SYNPR: variants seen among roughly 807,000 people sequenced by gnomAD.
SYNPR encodes the protein synaptoporin.
A neutral mutation model predicts 32.9 loss-of-function variants in SYNPR; 23 were observed. The observed-to-expected ratio is 0.70, with a 90% CI of 0.50 to 0.99. SYNPR has a LOEUF of 0.99. Among genes scored for constraint, SYNPR ranks in the 50% least tolerant of loss-of-function variants. The probability of loss-of-function intolerance (pLI) is 0.00; values close to 1 mark genes in which losing one functional copy is unlikely to be tolerated. For synonymous variants in SYNPR, 146 were observed against 135.9 expected (o/e 1.07, Z -0.52); for missense variants, 318 against 349.3 (o/e 0.91, Z 0.71).
chr3:63,398,925 T>G (rs901746643), intron 2 of SYNPR, among the ~76,000 whole-genome samples: 2 of 152,190 alleles, frequency 1.3e-5, no homozygotes, highest in African/African-American at 4.8e-5. Flanking sequence ...AGGATTCTTT[T>G]GGTGCCAGCT....
intron 2 of SYNPR, among the ~76,000 whole-genome samples, chr3:63,349,674 A>G (rs917962938): frequency 6.6e-6 from 1 of 152,116 alleles, no homozygotes; most frequent in African/African-American, 2.4e-5. Context: ...CTGACACTTT[A>G]CTGAATTTAT....
At chr3:63,278,792 G>C in intron 2 of SYNPR, 50 bp downstream of exon 2, 1 of 1,539,354 alleles carries the variant, frequency 6.5e-7, no homozygotes. Context: ...CCAGCTATCA[G>C]GTGAGGAGAG....
intron 2 of SYNPR, among the ~76,000 whole-genome samples, chr3:63,335,420 G>T (rs1166737418): frequency 2.0e-5 from 3 of 151,762 alleles, no homozygotes; most frequent in Non-Finnish European, 2.9e-5. Context: ...TAAGTGTTGG[G>T]TTTGGTGCAC....
At chr3:63,535,281 A>T (rs1702181717) in intron 3 of SYNPR, among the ~76,000 whole-genome samples, 1 of 152,166 alleles carries the variant, frequency 6.6e-6, no homozygotes, top group Non-Finnish European at 1.5e-5. Context: ...AGGAATTTAT[A>T]TTGTGATACT....
chr3:63,523,966 G>A (rs1701957707), intron 3 of SYNPR, among the ~76,000 whole-genome samples: 1 of 152,026 alleles, frequency 6.6e-6, no homozygotes, highest in South Asian at 2.1e-4. Flanking sequence ...AAGATTTTTA[G>A]TAGACTGCAT....
chr3:63,311,618 C>T (rs1357197399), intron 2 of SYNPR, among the ~76,000 whole-genome samples: 1 of 151,958 alleles, frequency 6.6e-6, no homozygotes, highest in Non-Finnish European at 1.5e-5. Flanking sequence ...AAATCGTCTT[C>T]CATGAAACCA....
intron 4 of SYNPR, among the ~76,000 whole-genome samples, chr3:63,594,659 A>G (rs1435228926): frequency 6.6e-6 from 1 of 152,164 alleles, no homozygotes; most frequent in African/African-American, 2.4e-5. Flanking sequence ...TTAGGAAATT[A>G]AAGAAGCAAA....
At chr3:63,270,756 A>T (rs912365156) in intron 3 of SYNPR, among the ~76,000 whole-genome samples, 26 of 152,216 alleles carry the variant, frequency 1.7e-4, no homozygotes, top group Non-Finnish European at 3.7e-4. Flanking sequence ...TAAGGAGCTT[A>T]TCACAGTGCC....
intron 2 of SYNPR, among the ~76,000 whole-genome samples, chr3:63,255,486 G>A (rs2086374347): frequency 6.6e-6 from 1 of 152,230 alleles, no homozygotes; most frequent in South Asian, 2.1e-4. Flanking sequence ...AAAAGGCTGA[G>A]TAATACTGAT....
At chr3:63,344,550 A>T (rs1400390264) in intron 2 of SYNPR, among the ~76,000 whole-genome samples, 3 of 130,540 alleles carry the variant, frequency 2.3e-5, no homozygotes, top group African/African-American at 5.8e-5. Flanking sequence ...TTCAAAAAAG[A>T]TTTTTTTTTT....
intron 2 of SYNPR, among the ~76,000 whole-genome samples, chr3:63,323,723 G>A (rs144543842): frequency 1.3e-5 from 2 of 152,054 alleles, no homozygotes; most frequent in East Asian, 3.9e-4. Context: ...AAGCAAAAAT[G>A]CAAATAAAAT....
chr3:63,396,491 C>T (rs796636086), intron 2 of SYNPR, among the ~76,000 whole-genome samples: 4 of 152,262 alleles, frequency 2.6e-5, no homozygotes, highest in African/African-American at 9.6e-5. Flanking sequence ...AGTATTAGTT[C>T]AGGTATCACC....
intron 3 of SYNPR, among the ~76,000 whole-genome samples, chr3:63,552,767 T>C (rs1166976401): frequency 6.6e-6 from 1 of 152,176 alleles, no homozygotes; most frequent in East Asian, 1.9e-4. Context: ...ATGTAGAAGT[T>C]TAAAAATCAG....
intron 2 of SYNPR, among the ~76,000 whole-genome samples, chr3:63,335,766 C>CTTTTTTTTTTTTTTTTT (rs3082128): frequency 1.1e-5 from 1 of 91,470 alleles, no homozygotes; most frequent in Non-Finnish European, 2.1e-5. Context: ...TATTAGCTTC[C>CTTTTTTTTTTTTTTTTT]TTTTTTTTTT....
intron 2 of SYNPR, among the ~76,000 whole-genome samples, chr3:63,453,643 C>A (rs1286196573): frequency 1.3e-5 from 2 of 152,078 alleles, no homozygotes; most frequent in African/African-American, 4.8e-5. Context: ...TTGGGAGGAA[C>A]TGACACTGGA....
intron 3 of SYNPR, among the ~76,000 whole-genome samples, chr3:63,535,174 T>C (rs1702179781): frequency 6.6e-6 from 1 of 152,156 alleles, no homozygotes; most frequent in African/African-American, 2.4e-5. Context: ...TACATACAAT[T>C]ACAGATGTGG....
chr3:63,361,454 T>C (rs976684472), intron 2 of SYNPR, among the ~76,000 whole-genome samples: 8 of 151,840 alleles, frequency 5.3e-5, no homozygotes, highest in East Asian at 1.9e-4. Context: ...AAAAATTAGC[T>C]GGGCATGGTG....
At chr3:63,596,485 TC>T (rs1386035166) in intron 4 of SYNPR, among the ~76,000 whole-genome samples, 22 of 151,782 alleles carry the variant, frequency 1.4e-4, no homozygotes, top group African/African-American at 5.3e-4. Context: ...AGCCAGCCTT[TC>T]CCCCAACACC....
intron 3 of SYNPR, among the ~76,000 whole-genome samples, chr3:63,533,952 G>A (rs181887904): frequency 8.5e-5 from 13 of 152,226 alleles, no homozygotes; most frequent in Non-Finnish European, 1.8e-4. Flanking sequence ...TGCTACTGTC[G>A]ATGACAGTAT....
Sources: gnomAD v4.1 joint callset for allele counts (sites outside exome capture counted in the v4.1 genomes callset) on GRCh38, gnomAD v4.1.1 for gene constraint, MANE v1.5 for transcripts, NCBI Gene and HGNC (gene_info 2026-07-23, HGNC 2026-07-21) for gene names.